Variants in NFIC observed in about 807,000 individuals in gnomAD.
The protein encoded by NFIC is nuclear factor 1 C-type.
NFIC carries 12 observed loss-of-function variants against 54.4 expected under a neutral mutation model. That is an observed-to-expected ratio of 0.22 (90% CI 0.14 to 0.36). NFIC has a LOEUF of 0.36. NFIC is among the 10% of genes least tolerant of loss of function. The probability of loss-of-function intolerance (pLI) is 1.00; values close to 1 mark genes in which losing one functional copy is unlikely to be tolerated. For synonymous variants in NFIC, 322 were observed against 319.2 expected (o/e 1.01, Z -0.09); for missense variants, 575 against 718.2 (o/e 0.80, Z 2.28).
At chr19:3,416,136 C>T (rs1375049700) in intron 2 of NFIC, among the ~76,000 whole-genome samples, 1 of 151,110 alleles carries the variant, frequency 6.6e-6, no homozygotes. Flanking sequence ...GTCCTCCATC[C>T]CGGGCCACAG....
chr19:3,382,788 G>C (rs902530609), intron 2 of NFIC, among the ~76,000 whole-genome samples: 2 of 151,804 alleles, frequency 1.3e-5, no homozygotes, highest in Admixed American at 6.6e-5. Context: ...AGGCCTAGGA[G>C]AGCGTCTAAT....
chr19:3,445,453 G>C (rs2082361255), intron 6 of NFIC, among the ~76,000 whole-genome samples: 1 of 152,136 alleles, frequency 6.6e-6, no homozygotes, highest in Admixed American at 6.5e-5. Context: ...TCACAGGCTG[G>C]GCATGAGTGG....
intron 1 of NFIC, among the ~76,000 whole-genome samples, chr19:3,376,415 TGA>T (rs1205625959): frequency 9.5e-6 from 1 of 105,258 alleles, no homozygotes; most frequent in East Asian, 2.8e-4. Flanking sequence ...GGCAACAGTG[TGA>T]GACACTGTCT....
intron 1 of NFIC, among the ~76,000 whole-genome samples, chr19:3,374,730 T>C (rs568537414): frequency 1.8e-4 from 27 of 152,294 alleles, no homozygotes; most frequent in African/African-American, 6.3e-4. Context: ...GTTATCTCTT[T>C]TGCCGGTTGG....
intron 2 of NFIC, among the ~76,000 whole-genome samples, chr19:3,415,148 G>T (rs955386167): frequency 1.3e-5 from 2 of 150,884 alleles, no homozygotes; most frequent in Non-Finnish European, 3.0e-5. Context: ...CCAAGTGCTT[G>T]GTTCTTTAGT....
In NFIC at chr19:3,371,990, TCTCTCTCC is replaced by T. The variant is rs1291770048; in HGVS notation, c.30+5332_30+5339del. ...TTCCTTCTCTTTCTCTCTCTCTCCC[TCTCTCTCC>T]CTCTCTCTCTCTCTCTCTCTCTCTC... On this transcript the variant is annotated intron_variant, in intron 1 of 10. Coordinates refer to ENST00000443272, the MANE Select transcript of NFIC (RefSeq NM_001245002.2). Among the ~76,000 whole-genome samples, 189 of 73,294 alleles carry T rather than the reference TCTCTCTCC, an allele frequency of 2.6e-3. 10 individuals are homozygous for T. Among genetic ancestry groups the T allele is most frequent in the South Asian group, 4.7e-3 (6 of 1,264 alleles). The allele number at this position is 73,294 out of a possible 152,430, so 48.1% of individuals were successfully genotyped here.
chr19:3,446,025 C>T (rs536193891), intron 6 of NFIC, among the ~76,000 whole-genome samples: 1 of 152,116 alleles, frequency 6.6e-6, no homozygotes, highest in South Asian at 2.1e-4. Flanking sequence ...CAGGACAGCT[C>T]CCTACAGAGA....
Position 3,463,259 on chromosome 19 carries a change from C to T in NFIC, c.*490C>T. The T allele has an allele frequency of 1.0e-6, 1 of 991,084 alleles. No individual in the cohort carries two copies. The highest frequency in any genetic ancestry group is 1.2e-6 in the Non-Finnish European group (1 of 834,128). The allele number at this position is 991,084 out of a possible 1,614,324, so 61.4% of individuals were successfully genotyped here. A position where few individuals can be genotyped will look rare whatever the true frequency, so the allele number is the denominator to read the frequency against. ...CGACAGGCGCGACACCCAGCAAGGC[C>T]ACCTCTCCCCGGGCCCCCGCGCCTC... On this transcript the variant is annotated 3_prime_UTR_variant, in exon 11 of 11. Coordinates refer to ENST00000443272, the MANE Select transcript of NFIC (RefSeq NM_001245002.2).
chr19:3,468,296 A>AC lies in NFIC; in HGVS notation c.*5532dup, dbSNP rs1443066924. On this transcript the variant is annotated 3_prime_UTR_variant, in exon 11 of 11. Coordinates refer to ENST00000443272, the MANE Select transcript of NFIC (RefSeq NM_001245002.2). Reference sequence around the variant, plus strand: ...ATGGGCCCCGGAGGGGAAGTCATGCACCCCCAAGCCACCACCCCCCAGCCT... The same window carrying AC: ...ATGGGCCCCGGAGGGGAAGTCATGCACCCCCCAAGCCACCACCCCCCAGCCT... 1 of 149,706 alleles carries AC rather than the reference A, an allele frequency of 6.7e-6. No homozygotes were observed. Among genetic ancestry groups the AC allele is most frequent in the African/African-American group, 2.5e-5 (1 of 40,556 alleles). The allele number at this position is 149,706 out of a possible 1,614,324, so 9.3% of individuals were successfully genotyped here. A position where few individuals can be genotyped will look rare whatever the true frequency, so the allele number is the denominator to read the frequency against.
At chr19:3,400,428 G>T (rs892752710) in intron 2 of NFIC, among the ~76,000 whole-genome samples, 50 of 152,166 alleles carry the variant, frequency 3.3e-4, no homozygotes, top group African/African-American at 1.2e-3. Flanking sequence ...AGTGAGCCGA[G>T]ATCACGCCAC....
intron 7 of NFIC, among the ~76,000 whole-genome samples, chr19:3,450,984 C>T (rs545216012): frequency 8.5e-5 from 13 of 152,242 alleles, no homozygotes; most frequent in African/African-American, 3.1e-4. Flanking sequence ...GCAGAGACCA[C>T]GTGGCCAAAA....
At chr19:3,393,151 G>A (rs2081402570) in intron 2 of NFIC, among the ~76,000 whole-genome samples, 1 of 152,082 alleles carries the variant, frequency 6.6e-6, no homozygotes, top group South Asian at 2.1e-4. Flanking sequence ...ATGTTGGCCA[G>A]GCTGACCTCG....
chr19:3,442,397 TTG>T (rs1491064216), intron 6 of NFIC, among the ~76,000 whole-genome samples: 19 of 149,642 alleles, frequency 1.3e-4, no homozygotes, highest in Non-Finnish European at 1.5e-4. Flanking sequence ...TTTTTTTTTT[TTG>T]AGTCAGAATC....
chr19:3,381,395 CAAAAAAAAA>C (rs71164686), intron 1 of NFIC, among the ~76,000 whole-genome samples: 1 of 100,932 alleles, frequency 9.9e-6, no homozygotes, highest in Non-Finnish European at 2.0e-5. Flanking sequence ...GACTCCGTCT[CAAAAAAAAA>C]AAAAAAAAAA....
At chr19:3,359,698 A>C in intron 1 of NFIC, 1 of 1,421,808 alleles carries the variant, frequency 7.0e-7, no homozygotes. Flanking sequence ...ACGTCGCCGC[A>C]CCCACTTTCG....
intron 6 of NFIC, among the ~76,000 whole-genome samples, chr19:3,447,206 G>A (rs1366778576): frequency 6.6e-6 from 1 of 150,968 alleles, no homozygotes; most frequent in Admixed American, 6.6e-5. Context: ...GGCTGAGGCA[G>A]TAGAATCGCT....
At chr19:3,411,773 G>C (rs2081765072) in intron 2 of NFIC, among the ~76,000 whole-genome samples, 1 of 152,324 alleles carries the variant, frequency 6.6e-6, no homozygotes, top group African/African-American at 2.4e-5. Context: ...CGGCTGTGAG[G>C]AGTGTGAACT....
In NFIC at chr19:3,458,440, C is replaced by G. The variant is rs2082592847; in HGVS notation, c.1509+1805C>G. 6.6e-6 allele frequency among the ~76,000 whole-genome samples: 1 copy of G among 152,176 alleles called. No homozygotes were observed. The highest frequency in any genetic ancestry group is 2.4e-5 in the African/African-American group (1 of 41,438). The stretch of plus-strand genomic sequence containing the variant: ...CTCTGCCTTGGACCAAACTCTCTGA[C>G]CAGGCCCTCCCGCCAGGGCCCGGGA... On this transcript the variant is annotated intron_variant, in intron 10 of 10. Transcript: ENST00000443272. This position sits in a 1 kb window ranked among gnomAD's most constrained non-coding sequence, Gnocchi z 4.1.
At chr19:3,384,538 G>A (rs1342628676) in intron 2 of NFIC, among the ~76,000 whole-genome samples, 2 of 152,102 alleles carry the variant, frequency 1.3e-5, no homozygotes, top group African/African-American at 2.4e-5. Flanking sequence ...ACAGGTGACT[G>A]CCACCACGCC....
Sources: allele counts gnomAD v4.1 joint callset (sites outside exome capture counted in the v4.1 genomes callset), GRCh38; gene constraint gnomAD v4.1.1; non-coding constraint Gnocchi (gnomAD v3.1); transcripts MANE v1.5; gene names NCBI Gene and HGNC (gene_info 2026-07-23, HGNC 2026-07-21).